The following RPRD1B variants were observed in gnomAD, a reference collection of about 807,000 sequenced individuals.
RPRD1B encodes the protein regulation of nuclear pre-mRNA domain-containing protein 1B.
RPRD1B carries 11 observed loss-of-function variants against 41.5 expected under a neutral mutation model. The ratio of observed to expected loss-of-function variants is 0.27; its 90% CI spans 0.17 to 0.44. The LOEUF (loss-of-function observed/expected upper bound fraction) is 0.44. Among genes scored for constraint, RPRD1B ranks in the 20% least tolerant of loss-of-function variants. The probability of loss-of-function intolerance (pLI) is 1.00; values close to 1 mark genes in which losing one functional copy is unlikely to be tolerated. For synonymous variants in RPRD1B, 158 were observed against 155.6 expected, an observed-to-expected ratio of 1.02 and a Z score of -0.12; for missense variants, 248 against 389.9, an observed-to-expected ratio of 0.64 and a Z score of 3.06.
intron 5 of RPRD1B, among the ~76,000 whole-genome samples, chr20:38,064,917 C>T (rs1452241794): frequency 3.3e-5 from 5 of 150,542 alleles, no homozygotes; most frequent in African/African-American, 4.9e-5. Flanking sequence ...ACCTGGGAGG[C>T]GGAGCTTGCA....
At chr20:38,041,335 A>C (rs1317353446) in intron 2 of RPRD1B, among the ~76,000 whole-genome samples, 1 of 152,246 alleles carries the variant, frequency 6.6e-6, no homozygotes, top group African/African-American at 2.4e-5. Context: ...AGTAGGTTAA[A>C]CATAAATTGT....
At chr20:38,087,118 C>T (rs1040620600) in intron 6 of RPRD1B, among the ~76,000 whole-genome samples, 3 of 152,042 alleles carry the variant, frequency 2.0e-5, no homozygotes, top group Non-Finnish European at 4.4e-5. Context: ...ACCACCCTGC[C>T]CAGCTAACTT....
chr20:38,043,751 G>T (rs959396699), intron 2 of RPRD1B, among the ~76,000 whole-genome samples: 5 of 152,194 alleles, frequency 3.3e-5, no homozygotes, highest in African/African-American at 1.2e-4. Flanking sequence ...AGTGAAAAGA[G>T]AAATCAAAGA....
intron 1 of RPRD1B, among the ~76,000 whole-genome samples, chr20:38,040,184 T>C (rs1179083203): frequency 6.6e-6 from 1 of 152,204 alleles, no homozygotes; most frequent in Non-Finnish European, 1.5e-5. Flanking sequence ...TAATTTTTAC[T>C]ATCAATTAAT....
chr20:38,049,731 G>T, intron 3 of RPRD1B: 1 of 471,086 alleles, frequency 2.1e-6, no homozygotes, highest in African/African-American at 2.0e-5. Context: ...GTTAGTTGTG[G>T]TTTAATTCTA....
At chr20:38,051,193 A>C (rs919773506) in intron 3 of RPRD1B, among the ~76,000 whole-genome samples, 8 of 152,378 alleles carry the variant, frequency 5.3e-5, no homozygotes, top group Non-Finnish European at 7.3e-5. Context: ...GTCTCTCAAA[A>C]CATCACACTG....
chr20:38,066,352 A>G (rs2074356157), intron 6 of RPRD1B, 96 bp downstream of exon 6: 1 of 1,152,078 alleles, frequency 8.7e-7, no homozygotes, highest in African/African-American at 1.5e-5. Flanking sequence ...CAACATTTTT[A>G]TCGTTTAAAA....
intron 6 of RPRD1B, among the ~76,000 whole-genome samples, chr20:38,068,728 C>G (rs893814620): frequency 2.6e-5 from 4 of 152,182 alleles, no homozygotes; most frequent in African/African-American, 9.7e-5. Context: ...GTCTGCTCTC[C>G]TGAACCTAAG....
chr20:38,076,906 C>CTTTTTTTTTTTT lies in RPRD1B; in HGVS notation c.831+10669_831+10680dup, dbSNP rs573460686. 2.0e-3 allele frequency among the ~76,000 whole-genome samples: 125 copies of CTTTTTTTTTTTT among 63,524 alleles called. 19 individuals are homozygous for CTTTTTTTTTTTT. The highest frequency in any genetic ancestry group is 2.6e-3 in the African/African-American group (32 of 12,516). 41.7% of individuals were successfully genotyped at this position (63,524 alleles called of 152,430 possible). On this transcript the variant is annotated intron_variant, in intron 6 of 6. Coordinates refer to ENST00000373433, the MANE Select transcript of RPRD1B (RefSeq NM_021215.4). ...CCTTTAGCCTTTTCTCATTCTGGAC[C>CTTTTTTTTTTTT]TTTTTTTTTTTTTTTTTTTTTTTTT...
Position 38,090,327 on chromosome 20 carries a change from T to A in RPRD1B, c.*452T>A. 1.0e-6 allele frequency: 1 copy of A among 986,808 alleles called. No individual in the cohort carries two copies. Among genetic ancestry groups the A allele is most frequent in the Non-Finnish European group, 1.2e-6 (1 of 830,604 alleles). 61.1% of individuals were successfully genotyped at this position (986,808 alleles called of 1,614,324 possible). A position where few individuals can be genotyped will look rare whatever the true frequency, so the allele number is the denominator to read the frequency against. On this transcript the variant is annotated 3_prime_UTR_variant, in exon 7 of 7. Coordinates refer to ENST00000373433, the MANE Select transcript of RPRD1B (RefSeq NM_021215.4). ...CACTAAGGCACTTGTCCTGGAGACG[T>A]TGGCTTTCCCAGCTGCATCTGCCCC...
At chr20:38,048,598 G>T (rs376482521) in intron 3 of RPRD1B, 117 bp downstream of exon 3, 16 of 1,472,466 alleles carry the variant, frequency 1.1e-5, no homozygotes, top group East Asian at 9.2e-5. Context: ...TCTTCAGAGA[G>T]ACAGATGATC....
chr20:38,070,402 T>G (rs2074399875), intron 6 of RPRD1B: 1 of 985,364 alleles, frequency 1.0e-6, no homozygotes, highest in East Asian at 1.1e-4. Flanking sequence ...TTAGAGAATG[T>G]GGAGGGTATA....
At chr20:38,052,739 G>A (rs1194527738) in intron 3 of RPRD1B, among the ~76,000 whole-genome samples, 3 of 147,630 alleles carry the variant, frequency 2.0e-5, no homozygotes, top group African/African-American at 7.6e-5. Flanking sequence ...GCTGCACTCG[G>A]ACCAAACGCG....
At position 38,089,754 on chromosome 20, in the gene RPRD1B, C is replaced by T. The variant is rs2074596390; in HGVS notation, c.860C>T (p.Thr287Ile). 1 of 1,614,112 alleles carries T rather than the reference C, an allele frequency of 6.2e-7. No individual in the cohort carries two copies. Among genetic ancestry groups the T allele is most frequent in the Non-Finnish European group, 8.5e-7 (1 of 1,179,998 alleles). Residue 287 changes from threonine to isoleucine, a missense_variant, in exon 7 of 7, where the codon ACC becomes ATC. Coordinates refer to ENST00000373433, the MANE Select transcript of RPRD1B (RefSeq NM_021215.4). ...EEYKQKLARV[T>I]QVRKELKSHI... ...TACAAACAGAAGCTTGCACGAGTAA[C>T]CCAGGTCCGCAAGGAACTGAAATCC...
chr20:38,080,768 A>G (rs1600438838), intron 6 of RPRD1B, among the ~76,000 whole-genome samples: 1 of 152,142 alleles, frequency 6.6e-6, no homozygotes, highest in East Asian at 1.9e-4. Flanking sequence ...CAGGTGCTCC[A>G]CCTGCCTCAG....
At chr20:38,085,691 C>T (rs1158829066) in intron 6 of RPRD1B, 1 of 152,388 alleles carries the variant, frequency 6.6e-6, no homozygotes, top group East Asian at 1.9e-4. Context: ...AGACCTTTCT[C>T]CTTCATCTCT....
intron 6 of RPRD1B, among the ~76,000 whole-genome samples, chr20:38,076,661 A>T (rs1217453099): frequency 6.3e-5 from 4 of 63,638 alleles, no homozygotes; most frequent in Admixed American, 1.6e-4. Flanking sequence ...CCTTCCCCCC[A>T]CCCCTGCCCC....
At chr20:38,070,226 G>A in intron 6 of RPRD1B, 2 of 985,198 alleles carry the variant, frequency 2.0e-6, no homozygotes, top group South Asian at 9.4e-5. Context: ...TTGCTTCAGG[G>A]TGTCATGATT....
At chr20:38,056,959 A>G (rs1367741636) in intron 3 of RPRD1B, among the ~76,000 whole-genome samples, 3 of 152,218 alleles carry the variant, frequency 2.0e-5, no homozygotes, top group Non-Finnish European at 4.4e-5. Context: ...GTCAGCCTCA[A>G]AAGTGGTTAA....
Sources: gnomAD v4.1 joint callset for allele counts (sites outside exome capture counted in the v4.1 genomes callset) on GRCh38, gnomAD v4.1.1 for gene constraint, MANE v1.5 for transcripts, NCBI Gene and HGNC (gene_info 2026-07-23, HGNC 2026-07-21) for gene names.